The following SPEF2 variants were observed in gnomAD, a reference collection of about 807,000 sequenced individuals.
SPEF2 encodes sperm flagella and cilia-associated protein 2.
A neutral mutation model predicts 224.6 loss-of-function variants in SPEF2; 187 were observed. That is an observed-to-expected ratio of 0.83 (90% CI 0.74 to 0.94). The LOEUF (loss-of-function observed/expected upper bound fraction) is 0.94, where lower values mean the gene tolerates loss of function less well. Ranked by LOEUF, SPEF2 falls within the 40% of genes least tolerant of loss-of-function variation. The pLI is 0.00. For synonymous variants in SPEF2, 715 were observed against 707.3 expected (o/e 1.01, Z -0.17); for missense variants, 2,170 against 2,135.6 (o/e 1.02, Z -0.32).
rs372905974 is a variant in SPEF2 at position 35,618,083 on chromosome 5, T to C, written c.58+28T>C. The stretch of plus-strand genomic sequence containing the variant: ...GAGTGACCACGGCCAGGGGCGAGCG[T>C]CTGAGGGGCTAGCGGGGCGCAGAGC... On this transcript the variant is annotated intron_variant, in intron 1 of 36. Transcript: ENST00000356031. The C allele has an allele frequency of 1.5e-5, 24 of 1,569,114 alleles. No homozygotes were observed. In the African/African-American group the frequency reaches 2.7e-4, roughly 18 times the overall value.
At chr5:35,673,043 C>T (rs926736751) in intron 10 of SPEF2, among the ~76,000 whole-genome samples, 29 of 152,182 alleles carry the variant, frequency 1.9e-4, no homozygotes, top group African/African-American at 6.3e-4. Flanking sequence ...GGGAGCTCTA[C>T]CCCAGTGGCT....
chr5:35,691,724 C>T (rs1203834471), intron 11 of SPEF2, among the ~76,000 whole-genome samples: 1 of 152,018 alleles, frequency 6.6e-6, no homozygotes, highest in Non-Finnish European at 1.5e-5. Flanking sequence ...TGAAATGTAT[C>T]CTTTAAATGG....
At chr5:35,672,563 C>T (rs1230605191) in intron 10 of SPEF2, among the ~76,000 whole-genome samples, 2 of 151,456 alleles carry the variant, frequency 1.3e-5, no homozygotes, top group African/African-American at 2.4e-5. Flanking sequence ...TATGTGGGAA[C>T]ATTTAGGACA....
intron 27 of SPEF2, among the ~76,000 whole-genome samples, chr5:35,773,462 T>C (rs1753157113): frequency 6.6e-6 from 1 of 152,216 alleles, no homozygotes; most frequent in African/African-American, 2.4e-5. Context: ...GTTATTCTCG[T>C]ATCTTCTTTT....
chr5:35,750,203 T>G (rs1749192824), intron 23 of SPEF2, among the ~76,000 whole-genome samples: 1 of 152,026 alleles, frequency 6.6e-6, no homozygotes, highest in African/African-American at 2.4e-5. Context: ...AAAAATCAAC[T>G]CAAGATGGAT....
At chr5:35,743,494 T>C (rs891154518) in intron 23 of SPEF2, among the ~76,000 whole-genome samples, 2 of 152,142 alleles carry the variant, frequency 1.3e-5, no homozygotes, top group Non-Finnish European at 2.9e-5. Flanking sequence ...TTATCAAAGA[T>C]ATGATAACAT....
chr5:35,619,571 G>A (rs1743201626), intron 1 of SPEF2, among the ~76,000 whole-genome samples: 1 of 151,966 alleles, frequency 6.6e-6, no homozygotes, highest in African/African-American at 2.4e-5. Context: ...CAGCTACTTG[G>A]GAGGCTGAGG....
chr5:35,701,106 C>A (rs1005117575), intron 16 of SPEF2, among the ~76,000 whole-genome samples: 15 of 152,144 alleles, frequency 9.9e-5, no homozygotes, highest in Non-Finnish European at 2.1e-4. Context: ...GGGTCATAAA[C>A]CACATCTGGG....
rs551491196 is a variant in SPEF2 at position 35,701,555 on chromosome 5, A to T, written c.2398+803A>T. On this transcript the variant is annotated intron_variant, in intron 16 of 36. Coordinates refer to ENST00000356031, the MANE Select transcript of SPEF2 (RefSeq NM_024867.4). ...GATTGCCTTCACATCATTTTACTAG[A>T]AGGCTGAATATTGCCTCTTGGACCC... is the stretch of plus-strand genomic sequence containing the variant. Among the ~76,000 whole-genome samples, 3 of 152,316 alleles carry T rather than the reference A, an allele frequency of 2.0e-5. No individual in the cohort carries two copies. The South Asian group carries it at 6.2e-4, about 32-fold the overall frequency.
At chr5:35,800,281 T>C in intron 34 of SPEF2, 134 bp downstream of exon 34, 1 of 935,874 alleles carries the variant, frequency 1.1e-6, no homozygotes, top group Non-Finnish European at 1.5e-6. Flanking sequence ...TTACACATAC[T>C]AGGTCTTCAA....
chr5:35,653,364 A>C (rs1157294718), intron 6 of SPEF2, among the ~76,000 whole-genome samples: 1 of 152,220 alleles, frequency 6.6e-6, no homozygotes, highest in Admixed American at 6.5e-5. Flanking sequence ...GTTTTCAATA[A>C]GTGTTCAGCG....
intron 31 of SPEF2, among the ~76,000 whole-genome samples, chr5:35,792,809 T>A (rs1001489519): frequency 6.6e-6 from 1 of 152,208 alleles, no homozygotes; most frequent in African/African-American, 2.4e-5. Context: ...ACAAAATGCT[T>A]AAAGAGCATT....
chr5:35,657,386 T>C (rs1212971294), intron 7 of SPEF2, among the ~76,000 whole-genome samples: 11 of 152,088 alleles, frequency 7.2e-5, no homozygotes. Flanking sequence ...ATTTGACTTT[T>C]TAGGGGATAG....
At chr5:35,641,289 A>T in intron 2 of SPEF2, 142 bp from the exon 3 acceptor site, 1 of 888,246 alleles carries the variant, frequency 1.1e-6, no homozygotes, top group Non-Finnish European at 1.7e-6. Context: ...TAGTTACATT[A>T]GAGTGGTTTT....
chr5:35,637,097 C>A (rs548862243), intron 2 of SPEF2, among the ~76,000 whole-genome samples: 1 of 152,020 alleles, frequency 6.6e-6, no homozygotes, highest in African/African-American at 2.4e-5. Context: ...GTTTTTATAG[C>A]TGCCATGGTT....
At chr5:35,697,637 G>A in intron 14 of SPEF2, 53 bp from the exon 15 acceptor site, 1 of 1,440,054 alleles carries the variant, frequency 6.9e-7, no homozygotes, top group East Asian at 2.3e-5. Flanking sequence ...CAAATGTTTG[G>A]AATTTGACTT....
chr5:35,671,731 A>G (rs1751241617), intron 10 of SPEF2, among the ~76,000 whole-genome samples: 1 of 152,080 alleles, frequency 6.6e-6, no homozygotes, highest in South Asian at 2.1e-4. Flanking sequence ...AATGGTTACC[A>G]CAGGAACATG....
chr5:35,715,209 C>A (rs6893143), intron 20 of SPEF2, among the ~76,000 whole-genome samples: 3,093 of 152,098 alleles, frequency 0.02, 116 homozygotes, highest in African/African-American at 0.071. Flanking sequence ...GAGCCATCAC[C>A]CCTGGCCAAT....
At chr5:35,751,092 C>T (rs866324350) in intron 23 of SPEF2, among the ~76,000 whole-genome samples, 244 of 54,410 alleles carry the variant, frequency 4.5e-3, no homozygotes, top group Middle Eastern at 8.5e-3. Flanking sequence ...CACACACACA[C>T]ACACATATAT....
Sources: allele counts gnomAD v4.1 joint callset (sites outside exome capture counted in the v4.1 genomes callset), GRCh38; gene constraint gnomAD v4.1.1; transcripts MANE v1.5; gene names NCBI Gene and HGNC (gene_info 2026-07-23, HGNC 2026-07-21).